The following RGS22 variants were observed in gnomAD, a reference collection of about 807,000 sequenced individuals.
RGS22 encodes regulator of G-protein signaling 22.
Under a neutral mutation model 172.9 loss-of-function variants are expected in RGS22, and 148 were observed. The observed-to-expected ratio is 0.86, with a 90% confidence interval of 0.75 to 0.98. The LOEUF is 0.98. Among genes scored for constraint, RGS22 ranks in the 50% least tolerant of loss-of-function variants. The pLI is 0.00. For missense variants in RGS22, 1,347 were observed against 1,440.8 expected (o/e 0.93, Z 1.05); for synonymous variants, 458 against 480.2 (o/e 0.95, Z 0.60).
intron 23 of RGS22, among the ~76,000 whole-genome samples, chr8:99,972,777 T>C (rs1811504996): frequency 6.6e-6 from 1 of 152,092 alleles, no homozygotes; most frequent in African/African-American, 2.4e-5. Context: ...CTCACGCCTG[T>C]AATCCCAGCA....
intron 22 of RGS22, among the ~76,000 whole-genome samples, chr8:99,980,305 C>T (rs1230104950): frequency 6.6e-6 from 1 of 152,112 alleles, no homozygotes; most frequent in Non-Finnish European, 1.5e-5. Context: ...TCTGTCTGCC[C>T]TGAGTTGGAT....
At chr8:99,995,941 A>G (rs1388901485) in intron 20 of RGS22, among the ~76,000 whole-genome samples, 1 of 152,154 alleles carries the variant, frequency 6.6e-6, no homozygotes, top group Non-Finnish European at 1.5e-5. Flanking sequence ...ATAAAAAAGG[A>G]TGAGTTCATG....
chr8:100,029,206 C>T (rs576931030), intron 14 of RGS22, among the ~76,000 whole-genome samples: 1 of 152,228 alleles, frequency 6.6e-6, no homozygotes, highest in African/African-American at 2.4e-5. Flanking sequence ...CAGTCGAGCC[C>T]CAGATGAGAC....
rs542472492 is a variant in RGS22 at position 100,038,678 on chromosome 8, T to C, written c.2166+253A>G. On this transcript the variant is annotated intron_variant, in intron 14 of 27. Transcript: ENST00000360863. ...ACATTAGAAAAAAAAGAGAGAGAGA[T>C]GTTCTTTATCAGAAGAACAAGTAGT... is the stretch of plus-strand genomic sequence containing the variant. 1.9e-5 allele frequency: 6 copies of C among 311,224 alleles called. No individual in the cohort carries two copies. The East Asian group carries it at 2.7e-4, about 14-fold the overall frequency. 19.3% of individuals were successfully genotyped at this position (311,224 alleles called of 1,614,324 possible). A position where few individuals can be genotyped will look rare whatever the true frequency, so the allele number is the denominator to read the frequency against.
chr8:100,069,129 A>T lies in RGS22; in HGVS notation c.594+2240T>A, dbSNP rs571493625. ...ATAGCAGATGCAAATGAAAAAAAAA[A>T]GTTCAAGTAACCTTAGCCTATCTAT... is the stretch of plus-strand genomic sequence containing the variant. On this transcript the variant is annotated intron_variant, in intron 6 of 27. Transcript: ENST00000360863. Among the ~76,000 whole-genome samples, 3 of 152,312 alleles carry T rather than the reference A, an allele frequency of 2.0e-5. No individual in the cohort carries two copies. The South Asian group carries it at 6.2e-4, about 32-fold the overall frequency.
intron 2 of RGS22, among the ~76,000 whole-genome samples, chr8:100,104,329 C>CGTGTGTGTGTGTGTGT (rs34385626): frequency 1.4e-5 from 2 of 140,404 alleles, no homozygotes; most frequent in South Asian, 2.3e-4. Context: ...AAAATATGTG[C>CGTGTGTGTGTGTGTGT]GTGTGTGTGT....
At chr8:99,988,474 G>C (rs1341195865) in intron 20 of RGS22, among the ~76,000 whole-genome samples, 1 of 152,064 alleles carries the variant, frequency 6.6e-6, no homozygotes. Context: ...TCACTAAATA[G>C]ATTTTAATAT....
rs190574575 is a variant in RGS22, at chr8:100,054,991, T to C, written c.1515-2015A>G. ...GAGTGTCAGCTCAGCCACAGTACAA[T>C]AGAACACCAGGTAGACTTCTAAGGT... is the stretch of plus-strand genomic sequence containing the variant. On this transcript the variant is annotated intron_variant, in intron 9 of 27. Transcript: ENST00000360863. 5.0e-4 allele frequency among the ~76,000 whole-genome samples: 76 copies of C among 152,236 alleles called. 1 individual carries two copies. Among genetic ancestry groups the C allele is most frequent in the South Asian group, 2.1e-4 (1 of 4,826 alleles).
chr8:100,009,794 G>A (rs188694038), intron 14 of RGS22, among the ~76,000 whole-genome samples: 237 of 152,130 alleles, frequency 1.6e-3, no homozygotes, highest in Middle Eastern at 6.8e-3. Flanking sequence ...AGACTTAAAG[G>A]GTCCATGTTA....
At chr8:99,972,836 G>C (rs928418001) in intron 23 of RGS22, among the ~76,000 whole-genome samples, 1 of 151,826 alleles carries the variant, frequency 6.6e-6, no homozygotes, top group Admixed American at 6.6e-5. Context: ...GATCGAGACC[G>C]ACCAGGCTAA....
chr8:99,995,769 C>T (rs911150954), intron 20 of RGS22, among the ~76,000 whole-genome samples: 5 of 152,186 alleles, frequency 3.3e-5, no homozygotes, highest in East Asian at 1.9e-4. Flanking sequence ...GGGTATATAC[C>T]GAAAGTATTA....
chr8:100,029,995 T>C (rs1043866428), intron 14 of RGS22, among the ~76,000 whole-genome samples: 2 of 151,906 alleles, frequency 1.3e-5, no homozygotes, highest in African/African-American at 2.4e-5. Flanking sequence ...ACAAAGAAAA[T>C]TGATCTATTT....
chr8:99,983,424 G>A (rs1024814616), intron 21 of RGS22, among the ~76,000 whole-genome samples: 2 of 152,044 alleles, frequency 1.3e-5, no homozygotes, highest in African/African-American at 4.8e-5. Flanking sequence ...CCCACCAATA[G>A]TGTGCAAGTG....
chr8:100,099,686 ATT>A (rs1813309353), intron 2 of RGS22, among the ~76,000 whole-genome samples: 1 of 152,244 alleles, frequency 6.6e-6, no homozygotes, highest in African/African-American at 2.4e-5. Context: ...GCATCAGAGA[ATT>A]TGATTCCTAC....
At chr8:99,971,321 C>A (rs1380446899) in intron 23 of RGS22, among the ~76,000 whole-genome samples, 1 of 152,178 alleles carries the variant, frequency 6.6e-6, no homozygotes, top group Non-Finnish European at 1.5e-5. Context: ...CAGCACAAGA[C>A]AAGGATGCCC....
intron 9 of RGS22, among the ~76,000 whole-genome samples, chr8:100,061,028 T>C (rs1481502216): frequency 6.6e-6 from 1 of 152,104 alleles, no homozygotes; most frequent in African/African-American, 2.4e-5. Context: ...TACAACTATC[T>C]GATCTTTGAA....
intron 3 of RGS22, among the ~76,000 whole-genome samples, chr8:100,090,936 A>G (rs1812528603): frequency 6.6e-6 from 1 of 152,168 alleles, no homozygotes; most frequent in Non-Finnish European, 1.5e-5. Context: ...AAGTAACATG[A>G]TTCAATTTAT....
Position 100,063,522 on chromosome 8 carries a change from C to T in RGS22, c.1246G>A (p.Glu416Lys). ...CCTTTTATAAATTTCTTAAATCTTT[C>T]AAACTCCTTTCTATTGCCAATGTCA... is the stretch of plus-strand genomic sequence containing the variant. ...TYDIGNRKEF[E>K]RFKKFIKGTL... Residue 416 changes from glutamate (E) to lysine (K), a missense_variant, in exon 8 of 28, where the codon GAA becomes AAA. By Grantham distance (56) the Glu-to-Lys change is moderately conservative. Coordinates refer to ENST00000360863, the MANE Select transcript of RGS22 (RefSeq NM_015668.5). The T allele has an allele frequency of 1.2e-6, 2 of 1,614,020 alleles. No homozygotes were observed. Among genetic ancestry groups the T allele is most frequent in the Non-Finnish European group, 8.5e-7 (1 of 1,179,944 alleles).
At chr8:100,014,435 A>G (rs1816736500) in intron 14 of RGS22, among the ~76,000 whole-genome samples, 1 of 152,150 alleles carries the variant, frequency 6.6e-6, no homozygotes. Flanking sequence ...TCCTCAATCT[A>G]TGGAAGTCTG....
Sources: allele counts gnomAD v4.1 joint callset (sites outside exome capture counted in the v4.1 genomes callset), GRCh38; gene constraint gnomAD v4.1.1; transcripts MANE v1.5; gene names NCBI Gene and HGNC (gene_info 2026-07-23, HGNC 2026-07-21).